Variants in PLEKHA5 observed in about 807,000 individuals in gnomAD.
PLEKHA5 encodes pleckstrin homology domain containing A5.
In PLEKHA5, 55 loss-of-function variants were observed where a neutral mutation model predicts 181.9. The ratio of observed to expected loss-of-function variants is 0.30; its 90% CI spans 0.24 to 0.38. The LOEUF is 0.38. Ranked by LOEUF, PLEKHA5 falls within the 10% of genes least tolerant of loss-of-function variation. The pLI is 1.00. For missense variants in PLEKHA5, 1,432 were observed against 1,549.5 expected, an observed-to-expected ratio of 0.92 and a Z score of 1.27; for synonymous variants, 535 against 529.4, an observed-to-expected ratio of 1.01 and a Z score of -0.15.
In PLEKHA5 at chr12:19,302,518, C is replaced by G. The variant is rs578044886; in HGVS notation, c.2037+10821C>G. Among the ~76,000 whole-genome samples the G allele has an allele frequency of 6.6e-5, 10 of 152,292 alleles. No homozygotes were observed. The South Asian group carries it at 1.9e-3, about 28-fold the overall frequency. ...TCAAGTGATTCTCCTGACTCAGCCA[C>G]CTGAGTAGCTAGGATTACAGGCGCC... On this transcript the variant is annotated intron_variant, in intron 15 of 31. Coordinates refer to ENST00000429027, the MANE Select transcript of PLEKHA5 (RefSeq NM_001256470.2).
At chr12:19,359,733 G>T (rs975708706) in intron 28 of PLEKHA5, among the ~76,000 whole-genome samples, 187 bp downstream of exon 28, 6 of 151,948 alleles carry the variant, frequency 3.9e-5, no homozygotes, top group Admixed American at 3.9e-4. Flanking sequence ...GGAGGCTGAG[G>T]CAGGCGAATC....
intron 27 of PLEKHA5, among the ~76,000 whole-genome samples, chr12:19,358,790 C>T (rs2095077799): frequency 6.6e-6 from 1 of 152,136 alleles, no homozygotes; most frequent in African/African-American, 2.4e-5. Flanking sequence ...TCCCCAATTC[C>T]CCTCTCAATA....
chr12:19,139,499 C>T (rs911356926), intron 3 of PLEKHA5, among the ~76,000 whole-genome samples: 1 of 152,160 alleles, frequency 6.6e-6, no homozygotes, highest in African/African-American at 2.4e-5. Flanking sequence ...CATATTCATC[C>T]ATCTAATTAT....
intron 7 of PLEKHA5, among the ~76,000 whole-genome samples, chr12:19,262,850 T>C (rs945689169): frequency 3.3e-5 from 5 of 152,084 alleles, no homozygotes; most frequent in African/African-American, 1.2e-4. Flanking sequence ...CAAATCCACA[T>C]GTGTACCCCT....
intron 15 of PLEKHA5, among the ~76,000 whole-genome samples, chr12:19,310,857 TA>T (rs1384457275): frequency 3.3e-5 from 5 of 152,152 alleles, no homozygotes; most frequent in Non-Finnish European, 7.4e-5. Context: ...GCAATAGCAT[TA>T]TGTCTAAGAA....
intron 16 of PLEKHA5, among the ~76,000 whole-genome samples, chr12:19,318,117 C>T (rs1345115208): frequency 6.7e-6 from 1 of 149,914 alleles, no homozygotes; most frequent in Non-Finnish European, 1.5e-5. Flanking sequence ...TCTATGAAGG[C>T]GTTTTTTGTT....
Position 19,223,577 on chromosome 12 carries a change from C to T in PLEKHA5, c.228-30363C>T, listed in dbSNP as rs966258755. Among the ~76,000 whole-genome samples the T allele has an allele frequency of 5.3e-5, 8 of 151,556 alleles. 1 individual carries two copies. Among genetic ancestry groups the T allele is most frequent in the Admixed American group, 1.3e-4 (2 of 15,240 alleles). ...TCCCAAAGCATGGTATACATATCAC[C>T]GATAGTATATAAAATGATTTTTAGG... On this transcript the variant is annotated intron_variant, in intron 3 of 31. Coordinates refer to ENST00000429027, the MANE Select transcript of PLEKHA5 (RefSeq NM_001256470.2).
At chr12:19,225,929 A>G (rs1447878716) in intron 3 of PLEKHA5, among the ~76,000 whole-genome samples, 11 of 152,228 alleles carry the variant, frequency 7.2e-5, no homozygotes, top group Non-Finnish European at 1.3e-4. Context: ...AAATCCTACT[A>G]ACTAGAACTG....
chr12:19,265,705 A>C, intron 7 of PLEKHA5, 45 bp from the exon 8 acceptor site: 1 of 1,134,792 alleles, frequency 8.8e-7, no homozygotes, highest in South Asian at 1.3e-5. Flanking sequence ...ACTTTGCTTC[A>C]TAAGAACATT....
chr12:19,247,630 CCTTTCATTTA>C (rs1438815461), intron 3 of PLEKHA5, among the ~76,000 whole-genome samples: 1 of 151,726 alleles, frequency 6.6e-6, no homozygotes, highest in Non-Finnish European at 1.5e-5. Context: ...AAGTATCAGG[CCTTTCATTTA>C]CTCTTCTGAT....
At chr12:19,286,912 G>T (rs1476510844) in intron 12 of PLEKHA5, among the ~76,000 whole-genome samples, 1 of 150,680 alleles carries the variant, frequency 6.6e-6, no homozygotes, top group Non-Finnish European at 1.5e-5. Flanking sequence ...GTTGCAGTGA[G>T]CTGAGATCTT....
intron 21 of PLEKHA5, among the ~76,000 whole-genome samples, chr12:19,340,626 T>C (rs1332159084): frequency 2.0e-4 from 30 of 146,594 alleles, no homozygotes; most frequent in African/African-American, 7.2e-4. Context: ...TCTTCTGCCT[T>C]GGGATCCTGT....
chr12:19,188,240 G>A (rs1199102499), intron 3 of PLEKHA5, among the ~76,000 whole-genome samples: 1 of 152,142 alleles, frequency 6.6e-6, no homozygotes, highest in Non-Finnish European at 1.5e-5. Context: ...TAACATTAAG[G>A]ACATAAGGAC....
intron 3 of PLEKHA5, among the ~76,000 whole-genome samples, chr12:19,214,550 A>G (rs1173179267): frequency 2.0e-5 from 3 of 152,136 alleles, no homozygotes; most frequent in Non-Finnish European, 4.4e-5. Flanking sequence ...TGGAGGGAAG[A>G]GAAGAACCAG....
chr12:19,197,678 G>C (rs7487455), intron 3 of PLEKHA5, among the ~76,000 whole-genome samples: 8 of 7,396 alleles, frequency 1.1e-3, no homozygotes, highest in Non-Finnish European at 1.5e-3. Context: ...ATCCGGTGCT[G>C]TGTGTGTGTG....
intron 21 of PLEKHA5, among the ~76,000 whole-genome samples, chr12:19,336,955 A>G (rs2093470969): frequency 6.8e-6 from 1 of 146,428 alleles, no homozygotes; most frequent in Non-Finnish European, 1.5e-5. Context: ...ATATGGATTT[A>G]TCAAATAATG....
In PLEKHA5 at chr12:19,167,056, C is replaced by G. The variant is rs577519197; in HGVS notation, c.227+34606C>G. 2.0e-5 allele frequency among the ~76,000 whole-genome samples: 3 copies of G among 152,308 alleles called. No homozygotes were observed. The South Asian group carries it at 6.2e-4, about 32-fold the overall frequency. The stretch of plus-strand genomic sequence containing the variant: ...AGCAAACTAATACTCTTCACACACC[C>G]ATGCCCCACCTTCCCCACCTCATTA... On this transcript the variant is annotated intron_variant, in intron 3 of 31. Coordinates refer to ENST00000429027, the MANE Select transcript of PLEKHA5 (RefSeq NM_001256470.2).
At chr12:19,253,083 TTTTTTTTG>T (rs2065829793) in intron 3 of PLEKHA5, among the ~76,000 whole-genome samples, 1 of 129,328 alleles carries the variant, frequency 7.7e-6, no homozygotes, top group African/African-American at 2.8e-5. Context: ...TTTTTTTTTT[TTTTTTTTG>T]GGAGACAGAG....
intron 3 of PLEKHA5, among the ~76,000 whole-genome samples, chr12:19,242,447 G>T (rs1028600853): frequency 1.3e-5 from 2 of 151,948 alleles, no homozygotes; most frequent in Non-Finnish European, 2.9e-5. Flanking sequence ...CACCATTTTG[G>T]CCAGAGTGGT....
Sources: gnomAD v4.1 joint callset for allele counts (sites outside exome capture counted in the v4.1 genomes callset) on GRCh38, gnomAD v4.1.1 for gene constraint, MANE v1.5 for transcripts, NCBI Gene and HGNC (gene_info 2026-07-23, HGNC 2026-07-21) for gene names.